ADAMTS17: variants seen among roughly 807,000 people sequenced by gnomAD.
ADAMTS17 encodes the protein A disintegrin and metalloproteinase with thrombospondin motifs 17.
A neutral mutation model predicts 141.5 loss-of-function variants in ADAMTS17; 113 were observed. The observed-to-expected ratio is 0.80, with a 90% CI of 0.69 to 0.93. The LOEUF (loss-of-function observed/expected upper bound fraction) is 0.93. Ranked by LOEUF, ADAMTS17 falls within the 40% of genes least tolerant of loss-of-function variation. The probability of loss-of-function intolerance (pLI) is 0.00; values close to 1 mark genes in which losing one functional copy is unlikely to be tolerated. For synonymous variants in ADAMTS17, 768 were observed against 630.6 expected (o/e 1.22, Z -3.27); for missense variants, 1,659 against 1,517.9 (o/e 1.09, Z -1.54).
At chr15:100,152,833 T>TTC in intron 9 of ADAMTS17, 71 bp from the exon 10 acceptor site, 2 of 1,571,592 alleles carry the variant, frequency 1.3e-6, no homozygotes, top group Non-Finnish European at 1.7e-6. Flanking sequence ...TTTTCTTTTT[T>TTC]TTTTTGAGTT....
chr15:100,138,752 A>G (rs2038465570), intron 10 of ADAMTS17, among the ~76,000 whole-genome samples: 1 of 152,218 alleles, frequency 6.6e-6, no homozygotes, highest in Non-Finnish European at 1.5e-5. Flanking sequence ...AACACATGCC[A>G]TGTAGAATAA....
chr15:100,214,672 A>G (rs2041915293), intron 7 of ADAMTS17, among the ~76,000 whole-genome samples: 2 of 152,166 alleles, frequency 1.3e-5, no homozygotes, highest in South Asian at 2.1e-4. Flanking sequence ...GCCATGCTCT[A>G]TTCTTCCGGG....
chr15:100,151,026 T>G (rs2039136496), intron 10 of ADAMTS17, among the ~76,000 whole-genome samples: 1 of 152,202 alleles, frequency 6.6e-6, no homozygotes, highest in South Asian at 2.1e-4. Flanking sequence ...AGCCACACAG[T>G]GGCTGATGGT....
At chr15:100,031,023 G>T (rs142891319) in intron 18 of ADAMTS17, among the ~76,000 whole-genome samples, 48 of 152,272 alleles carry the variant, frequency 3.2e-4, no homozygotes, top group African/African-American at 1.1e-3. Flanking sequence ...TGCTGACTCG[G>T]GGTGAAGGAA....
intron 20 of ADAMTS17, among the ~76,000 whole-genome samples, chr15:99,977,948 C>A (rs1219438061): frequency 6.6e-6 from 1 of 152,186 alleles, no homozygotes. Flanking sequence ...TGAGAGCAGT[C>A]AGCAAAACCG....
At chr15:100,152,427 TGA>T (rs1024912189) in intron 10 of ADAMTS17, among the ~76,000 whole-genome samples, 183 bp downstream of exon 10, 7 of 152,168 alleles carry the variant, frequency 4.6e-5, no homozygotes, top group Admixed American at 2.0e-4. Context: ...CAAATGCCTG[TGA>T]GAGTGTGTTT....
At chr15:100,206,522 A>T (rs1300110558) in intron 7 of ADAMTS17, among the ~76,000 whole-genome samples, 2 of 152,206 alleles carry the variant, frequency 1.3e-5, no homozygotes, top group Non-Finnish European at 2.9e-5. Context: ...AACTTGCCTT[A>T]GTCCCACTTC....
intron 7 of ADAMTS17, among the ~76,000 whole-genome samples, chr15:100,209,012 C>T (rs1350481183): frequency 6.7e-6 from 1 of 148,154 alleles, no homozygotes; most frequent in Non-Finnish European, 1.5e-5. Context: ...TTGAGACTTG[C>T]CTGAAACAAC....
intron 7 of ADAMTS17, among the ~76,000 whole-genome samples, chr15:100,237,742 G>A (rs149210872): frequency 9.8e-4 from 149 of 152,252 alleles, no homozygotes; most frequent in African/African-American, 2.7e-3. Context: ...TCCTGTCTCC[G>A]CCTCCCAAGT....
chr15:100,063,481 CT>C (rs1230509294), intron 15 of ADAMTS17: 8 of 374,362 alleles, frequency 2.1e-5, no homozygotes, highest in Non-Finnish European at 4.3e-5. Flanking sequence ...GTTCCCGCCC[CT>C]AATCCACCAT....
intron 8 of ADAMTS17, among the ~76,000 whole-genome samples, chr15:100,160,918 A>G (rs1476533673): frequency 3.3e-5 from 5 of 152,248 alleles, no homozygotes; most frequent in African/African-American, 1.2e-4. Flanking sequence ...AGTTTAAATT[A>G]AAGATTACTT....
chr15:100,103,155 T>C (rs1201125023), intron 14 of ADAMTS17, among the ~76,000 whole-genome samples: 1 of 152,108 alleles, frequency 6.6e-6, no homozygotes, highest in Non-Finnish European at 1.5e-5. Context: ...AACCAGAAGT[T>C]GTCATGGGAG....
rs776135617 is a variant in ADAMTS17, at chr15:100,262,357, G to A, written c.868C>T (p.Arg290Cys). ...AGGTGCCTGTGGGGACTTACGGGAC[G>A]TTGTCGTAGCAGGACAAGCTTGGTC... The part of the protein sequence containing the change: ...QVTKLVLLRQ[R>C]PAKLSIGHHG... Residue 290 changes from arginine (R) to cysteine (C), a missense_variant, in exon 5 of 22, where the codon CGT (arginine) becomes TGT (cysteine). Coordinates refer to ENST00000268070, the MANE Select transcript of ADAMTS17 (RefSeq NM_139057.4). 9.9e-6 allele frequency: 16 copies of A among 1,613,640 alleles called. No homozygotes were observed. Among genetic ancestry groups the A allele is most frequent in the Admixed American group, 3.3e-5 (2 of 59,978 alleles).
chr15:100,295,417 T>G (rs2044774508), intron 3 of ADAMTS17, among the ~76,000 whole-genome samples: 1 of 152,150 alleles, frequency 6.6e-6, no homozygotes, highest in Non-Finnish European at 1.5e-5. Context: ...ATGGGGTTCC[T>G]TGTGTTTTCA....
chr15:100,060,305 A>G (rs925271863), intron 15 of ADAMTS17, among the ~76,000 whole-genome samples: 2 of 152,256 alleles, frequency 1.3e-5, no homozygotes, highest in Non-Finnish European at 2.9e-5. Context: ...GGGTGGGTAC[A>G]CTTTCCTTTG....
At chr15:100,170,289 A>T (rs2040111627) in intron 8 of ADAMTS17, among the ~76,000 whole-genome samples, 1 of 152,230 alleles carries the variant, frequency 6.6e-6, no homozygotes, top group Non-Finnish European at 1.5e-5. Context: ...GTTGAGATAC[A>T]GGCCTTAAAG....
At chr15:100,339,235 G>C (rs939386418) in intron 2 of ADAMTS17, 10 of 868,308 alleles carry the variant, frequency 1.2e-5, no homozygotes, top group Non-Finnish European at 1.4e-5. Context: ...TGCCATCTAT[G>C]ACAGGGCCCA....
chr15:100,012,047 A>G (rs2061195991), intron 18 of ADAMTS17, among the ~76,000 whole-genome samples: 1 of 152,220 alleles, frequency 6.6e-6, no homozygotes, highest in African/African-American at 2.4e-5. Flanking sequence ...CATCCATGTC[A>G]ACATCTACTG....
At chr15:100,068,588 G>A (rs2033730841) in intron 15 of ADAMTS17, among the ~76,000 whole-genome samples, 1 of 152,210 alleles carries the variant, frequency 6.6e-6, no homozygotes, top group African/African-American at 2.4e-5. Context: ...AACATCTGCT[G>A]TTCACCAATA....
Sources: gnomAD v4.1 joint callset for allele counts (sites outside exome capture counted in the v4.1 genomes callset) on GRCh38, gnomAD v4.1.1 for gene constraint, MANE v1.5 for transcripts, NCBI Gene and HGNC (gene_info 2026-07-23, HGNC 2026-07-21) for gene names.